The following HPS1 variants were observed in gnomAD, a reference collection of about 807,000 sequenced individuals.
HPS1 encodes the protein HPS1 biogenesis of lysosomal organelles complex 3 subunit 1.
In HPS1, 59 loss-of-function variants were observed where a neutral mutation model predicts 90.6. The ratio of observed to expected loss-of-function variants is 0.65; its 90% CI spans 0.53 to 0.81. The LOEUF is 0.81. Among genes scored for constraint, HPS1 ranks in the 30% least tolerant of loss-of-function variants. The pLI is 0.00. For missense variants in HPS1, 849 were observed against 896.7 expected, an observed-to-expected ratio of 0.95 and a Z score of 0.68; for synonymous variants, 388 against 384.4, an observed-to-expected ratio of 1.01 and a Z score of -0.11.
chr10:98,443,231 C>G lies in HPS1; in HGVS notation c.10G>C (p.Val4Leu). The G allele has an allele frequency of 6.2e-7, 1 of 1,613,368 alleles. No homozygotes were observed. Among genetic ancestry groups the G allele is most frequent in the Non-Finnish European group, 8.5e-7 (1 of 1,179,328 alleles). The change falls in exon 3 of 20, where the codon GTC becomes CTC. Residue 4 changes from valine to leucine, a missense_variant. By Grantham distance (32) the Val-to-Leu change is conservative. Transcript: ENST00000361490. MKC[V>L]LVATEGAEVL... ...TCTGCGCCCTCAGTGGCCACCAAGA[C>G]GCACTTCATCTGCCAGGGAAAGGCA...
chr10:98,438,069 T>C (rs1937698701), intron 3 of HPS1, among the ~76,000 whole-genome samples: 1 of 152,206 alleles, frequency 6.6e-6, no homozygotes, highest in Non-Finnish European at 1.5e-5. Flanking sequence ...ACCACGACTG[T>C]AAGTTTCCTG....
At position 98,435,566 on chromosome 10, in the gene HPS1, AAG is replaced by A; in HGVS notation, c.255+67_255+68del. The A allele has an allele frequency of 6.2e-7, 1 of 1,609,836 alleles. No individual in the cohort carries two copies. Among genetic ancestry groups the A allele is most frequent in the Non-Finnish European group, 8.5e-7 (1 of 1,176,404 alleles). On this transcript the variant is annotated intron_variant, in intron 4 of 19. Transcript: ENST00000361490. This position sits in a 1 kb window ranked among gnomAD's most constrained non-coding sequence, Gnocchi z 4.3. ...TCTAAAGGAGTCTAAAGTTCCAAAT[AAG>A]AGAGGCCTGTGGACTCCCCATCAAG... is the stretch of plus-strand genomic sequence containing the variant.
rs1847193296 is a variant in HPS1, at chr10:98,435,526, A to G, written c.255+109T>C. 2.5e-6 allele frequency: 4 copies of G among 1,608,554 alleles called. No individual in the cohort carries two copies. In the Admixed American group the frequency reaches 6.7e-5, roughly 27 times the overall value. ...TCGGGTCCCAGGCGGGTTTGATAAG[A>G]TGCCGTTTCTGCCTTCTAAAGGAGT... On this transcript the variant is annotated intron_variant, in intron 4 of 19. Transcript: ENST00000361490. The surrounding 1 kb of genome is among the most constrained non-coding windows in gnomAD (Gnocchi z 4.3).
rs145364430 is a variant in HPS1 at position 98,429,850 on chromosome 10, C to T, written c.808G>A (p.Val270Met). 76 of 1,613,422 alleles carry T rather than the reference C, an allele frequency of 4.7e-5. No individual in the cohort carries two copies. In the Middle Eastern group the frequency reaches 9.9e-4, roughly 21 times the overall value. The change falls in exon 9 of 20, where the codon GTG becomes ATG. Residue 270 changes from valine (V) to methionine (M), a missense_variant. Val to Met is a conservative substitution (Grantham distance 21). Transcript: ENST00000361490. ...GAGTGAGGGCTCCAGGCCTGCTGCACGGGGATGTTCTGGCTGCTCCGGGCC... is the reference window on the plus strand; with the variant it reads ...GAGTGAGGGCTCCAGGCCTGCTGCATGGGGATGTTCTGGCTGCTCCGGGCC... ...RRARSSQNIP[V>M]QQAWSPHSTG... is the part of the protein sequence containing the mutation.
chr10:98,423,262 C>A (rs1263139146), intron 16 of HPS1, among the ~76,000 whole-genome samples: 1 of 149,598 alleles, frequency 6.7e-6, no homozygotes, highest in Non-Finnish European at 1.5e-5. Context: ...CCCTTTCAAC[C>A]AAACTAGACC....
intron 7 of HPS1, 26 bp from the exon 8 acceptor site, chr10:98,430,696 C>A: frequency 6.5e-7 from 1 of 1,533,450 alleles, no homozygotes; most frequent in Non-Finnish European, 8.8e-7. Flanking sequence ...CATGGCCACC[C>A]ATCAGCACAT....
At chr10:98,436,980 T>C (rs564205134) in intron 3 of HPS1, among the ~76,000 whole-genome samples, 1 of 152,350 alleles carries the variant, frequency 6.6e-6, no homozygotes, top group East Asian at 1.9e-4. Flanking sequence ...GCTTTCACAG[T>C]GGCTCCTACT....
chr10:98,429,931 C>A lies in HPS1; in HGVS notation c.769-42G>T, dbSNP rs1365026593. 4 of 1,557,666 alleles carry A rather than the reference C, an allele frequency of 2.6e-6. No individual in the cohort carries two copies. In the East Asian group the frequency reaches 9.0e-5, roughly 35 times the overall value. On this transcript the variant is annotated intron_variant, in intron 8 of 19. Coordinates refer to ENST00000361490, the MANE Select transcript of HPS1 (RefSeq NM_000195.5). ...AGAGGCTGGTTAGCTCCTATCTGAC[C>A]TGGCTCCCTCCACCCCTTCTGCCTC... is the stretch of plus-strand genomic sequence containing the variant.
At chr10:98,443,086 C>T in intron 3 of HPS1, 38 bp downstream of exon 3, 2 of 1,395,774 alleles carry the variant, frequency 1.4e-6, no homozygotes, top group Non-Finnish European at 2.0e-6. Flanking sequence ...TGGTTCCTTC[C>T]TATCCACCCC....
chr10:98,422,594 T>C (rs1218517643), intron 16 of HPS1, 81 bp from the exon 17 acceptor site: 1 of 1,433,218 alleles, frequency 7.0e-7, no homozygotes, highest in African/African-American at 1.4e-5. Context: ...CTGTGCCCAG[T>C]CATGGTGGCA....
At chr10:98,423,710 C>G in intron 15 of HPS1, 42 bp from the exon 16 acceptor site, 1 of 1,614,100 alleles carries the variant, frequency 6.2e-7, no homozygotes, top group South Asian at 1.1e-5. Context: ...AGTACGGGCC[C>G]CAGACCCTGC....
At chr10:98,429,515 G>C (rs376518547) in intron 10 of HPS1, 58 bp downstream of exon 10, 10 of 1,613,348 alleles carry the variant, frequency 6.2e-6, no homozygotes, top group Non-Finnish European at 8.5e-6. Flanking sequence ...CAGATGTCCT[G>C]GGCTGCCTGT....
At chr10:98,423,035 C>G (rs1476556691) in intron 16 of HPS1, among the ~76,000 whole-genome samples, 5 of 152,252 alleles carry the variant, frequency 3.3e-5, no homozygotes, top group Non-Finnish European at 2.9e-5. Flanking sequence ...GGACCTGCCT[C>G]AGGAGACTGG....
In HPS1 at chr10:98,425,859, G is replaced by C. The variant is rs1845537686; in HGVS notation, c.1114C>G (p.Leu372Val). The change falls in exon 12 of 20, where the codon CTG becomes GTG. Residue 372 changes from leucine (L) to valine (V), a missense_variant. Transcript: ENST00000361490. ...CPLVPHTMYCLPLWQGINLVL... is the reference protein window; with the variant it reads ...CPLVPHTMYCVPLWQGINLVL... ...AGGTTGATGCCCTGCCACAGGGGCA[G>C]GCAGTACATGGTGTGGGGCACTAGG... The C allele has an allele frequency of 1.9e-6, 3 of 1,614,136 alleles. No individual in the cohort carries two copies. In the South Asian group the frequency reaches 3.3e-5, roughly 18 times the overall value.
Position 98,424,933 on chromosome 10 carries a change from C to G in HPS1, c.1336-559G>C, listed in dbSNP as rs1845399170. Among the ~76,000 whole-genome samples the G allele has an allele frequency of 2.0e-5, 3 of 152,224 alleles. No individual in the cohort carries two copies. The South Asian group carries it at 6.2e-4, about 32-fold the overall frequency. ...ACAATGGGTCCCAGCTCCTCAAACA[C>G]CAGGCGCCTCCACTGCTTAAATCCA... is the stretch of plus-strand genomic sequence containing the variant. On this transcript the variant is annotated intron_variant, in intron 13 of 19. Transcript: ENST00000361490.
At chr10:98,430,710 C>G in intron 7 of HPS1, 40 bp from the exon 8 acceptor site, 1 of 1,500,672 alleles carries the variant, frequency 6.7e-7, no homozygotes, top group Non-Finnish European at 9.0e-7. Flanking sequence ...AGCACATGCC[C>G]AGCAGGAGAC....
At chr10:98,418,043 G>T in intron 19 of HPS1, 132 bp downstream of exon 19, 1 of 699,968 alleles carries the variant, frequency 1.4e-6, no homozygotes, top group Non-Finnish European at 2.6e-6. Context: ...GGCCAGCCGG[G>T]AAGGTGTTCC....
chr10:98,429,646 G>A lies in HPS1; in HGVS notation c.868-4C>T. ...GGAGGGAGAAGCTGTCTGTCTCCTG[G>A]AATGGAGAAGGTGGCTCAGGTTGAG... is the stretch of plus-strand genomic sequence containing the variant. On this transcript the variant is annotated splice_region_variant and splice_polypyrimidine_tract_variant and intron_variant, in intron 9 of 19. Transcript: ENST00000361490. The A allele has an allele frequency of 8.1e-6, 13 of 1,614,174 alleles. No individual in the cohort carries two copies. The highest frequency in any genetic ancestry group is 1.1e-5 in the Non-Finnish European group (13 of 1,180,026).
rs1846306155 is a variant in HPS1, at chr10:98,430,622, G to C, written c.717C>G (p.Leu239=). The C allele has an allele frequency of 1.3e-6, 2 of 1,556,298 alleles. No individual in the cohort carries two copies. Among genetic ancestry groups the C allele is most frequent in the African/African-American group, 1.4e-5 (1 of 73,378 alleles). ...LRPADLLALI[L]LVQDLYPSES... The stretch of plus-strand genomic sequence containing the variant: ...CGCTGGGGTAGAGGTCCTGAACCAG[G>C]AGGATGAGGGCAAGCAGGTCGGCCG... The change falls in exon 8 of 20, where the codon CTC becomes CTG. Residue 239 remains leucine (L), a synonymous_variant. Transcript: ENST00000361490.
Sources: allele counts gnomAD v4.1 joint callset (sites outside exome capture counted in the v4.1 genomes callset), GRCh38; gene constraint gnomAD v4.1.1; non-coding constraint Gnocchi (gnomAD v3.1); transcripts MANE v1.5; gene names NCBI Gene and HGNC (gene_info 2026-07-23, HGNC 2026-07-21).